The following TRIM15 variants were observed in gnomAD, a reference collection of about 807,000 sequenced individuals.
TRIM15 encodes E3 ubiquitin-protein ligase TRIM15.
A neutral mutation model predicts 35.8 loss-of-function variants in TRIM15; 35 were observed. That is an observed-to-expected ratio of 0.98 (90% CI 0.75 to 1.30). TRIM15 has a LOEUF of 1.30. TRIM15 is among the 50% of genes most tolerant of loss of function. TRIM15 has a pLI of 0.00. For synonymous variants in TRIM15, 252 were observed against 249.8 expected (o/e 1.01, Z -0.08); for missense variants, 590 against 593.5 (o/e 0.99, Z 0.06).
chr6:30,167,809 A>G (rs1773715443), intron 2 of TRIM15, among the ~76,000 whole-genome samples: 1 of 152,156 alleles, frequency 6.6e-6, no homozygotes. Context: ...TGGTACCTTG[A>G]CCAAGGAGAG....
rs188540010 is a variant in TRIM15, at chr6:30,170,458, T to A, written c.732-43T>A. 169 of 1,403,142 alleles carry A rather than the reference T, an allele frequency of 1.2e-4. No homozygotes were observed. The African/African-American group carries it at 2.2e-3, about 18-fold the overall frequency. The allele number at this position is 1,403,142 out of a possible 1,614,324, so 86.9% of individuals were successfully genotyped here. Reference sequence around the variant, plus strand: ...TCACGTGGTCTCACCCGAACATTTGTTTTTGGAATTTGGACCTAACTGGTT... The same window carrying A: ...TCACGTGGTCTCACCCGAACATTTGATTTTGGAATTTGGACCTAACTGGTT... On this transcript the variant is annotated intron_variant, in intron 4 of 6. Transcript: ENST00000376694.
rs780408059 is a variant in TRIM15 at position 30,164,085 on chromosome 6, C to G, written c.381+20C>G. ...TACCGGGTAAGAAGTGTAGCTTTAC[C>G]TAGGGCCTGTTTGGGGCAGGATGAT... On this transcript the variant is annotated intron_variant, in intron 1 of 6. Transcript: ENST00000376694. 2 of 1,597,416 alleles carry G rather than the reference C, an allele frequency of 1.3e-6. No homozygotes were observed. The highest frequency in any genetic ancestry group is 2.7e-5 in the African/African-American group (2 of 74,682).
chr6:30,172,357 C>A lies in TRIM15; in HGVS notation c.*8C>A. On this transcript the variant is annotated 3_prime_UTR_variant, in exon 7 of 7. Coordinates refer to ENST00000376694, the MANE Select transcript of TRIM15 (RefSeq NM_033229.3). Reference sequence around the variant, plus strand: ...CTTACGCTGAAAGGCTGAAGTGGGGCGCGCGAAGGGCGGCGAAGCGGAGAC... The same window carrying A: ...CTTACGCTGAAAGGCTGAAGTGGGGAGCGCGAAGGGCGGCGAAGCGGAGAC... 6.3e-7 allele frequency: 1 copy of A among 1,586,578 alleles called. No individual in the cohort carries two copies.
chr6:30,168,590 G>C (rs1269724549), intron 3 of TRIM15, 60 bp downstream of exon 3: 3 of 1,478,916 alleles, frequency 2.0e-6, no homozygotes, highest in Non-Finnish European at 2.8e-6. Context: ...AAGGGGGTGG[G>C]CACCATGCTT....
Position 30,168,422 on chromosome 6 carries a change from G to A in TRIM15, c.600G>A (p.Lys200=). The change falls in exon 3 of 7, where the codon AAG becomes AAA. Residue 200 remains lysine (K), a synonymous_variant. Coordinates refer to ENST00000376694, the MANE Select transcript of TRIM15 (RefSeq NM_033229.3). ...RLRELEQQIW[K]ERDEYITKVS... ...GGGAGCTGGAGCAGCAGATTTGGAA[G>A]GAGAGGGATGAATATATCACAAAGG... 5 of 1,612,914 alleles carry A rather than the reference G, an allele frequency of 3.1e-6. No homozygotes were observed. The highest frequency in any genetic ancestry group is 4.2e-6 in the Non-Finnish European group (5 of 1,179,960).
At chr6:30,168,932 C>T (rs545354831) in intron 3 of TRIM15, among the ~76,000 whole-genome samples, 1 of 152,290 alleles carries the variant, frequency 6.6e-6, no homozygotes, top group Non-Finnish European at 1.5e-5. Flanking sequence ...GATCCTGGCT[C>T]ACATCAGGTC....
At chr6:30,166,248 A>G (rs1773587488) in intron 1 of TRIM15, among the ~76,000 whole-genome samples, 1 of 152,164 alleles carries the variant, frequency 6.6e-6, no homozygotes, top group South Asian at 2.1e-4. Context: ...TCTTACGTTT[A>G]AGTCTTTAAT....
chr6:30,170,846 C>G (rs1773961798), intron 5 of TRIM15, 130 bp from the exon 6 acceptor site: 4 of 1,090,010 alleles, frequency 3.7e-6, no homozygotes, highest in African/African-American at 1.6e-5. Flanking sequence ...CCCTTCTCCT[C>G]CACTAGACCA....
In TRIM15 at chr6:30,170,326, T is replaced by C. The variant is rs1773919015; in HGVS notation, c.732-175T>C. The C allele has an allele frequency of 1.0e-5, 6 of 575,466 alleles. No homozygotes were observed. In the Admixed American group the frequency reaches 1.6e-4, roughly 15 times the overall value. 35.6% of individuals were successfully genotyped at this position (575,466 alleles called of 1,614,324 possible). A position where few individuals can be genotyped will look rare whatever the true frequency, so the allele number is the denominator to read the frequency against. ...TAGTTCCTCTTAGGTTTAACTGAAATGCCTACTATTTTAGTAACTACACAT... is the reference window on the plus strand; with the variant it reads ...TAGTTCCTCTTAGGTTTAACTGAAACGCCTACTATTTTAGTAACTACACAT... On this transcript the variant is annotated intron_variant, in intron 4 of 6. Transcript: ENST00000376694.
intron 6 of TRIM15, among the ~76,000 whole-genome samples, chr6:30,171,541 G>T (rs1774016280): frequency 6.6e-6 from 1 of 152,156 alleles, no homozygotes; most frequent in Non-Finnish European, 1.5e-5. Flanking sequence ...GTCTCCTAGG[G>T]ATCCTGTTAA....
At position 30,167,276 on chromosome 6, in the gene TRIM15, AGGCCACGTCACT is replaced by A. The variant is rs1294203507; in HGVS notation, c.477+9_477+20del. On this transcript the variant is annotated splice_donor_region_variant and intron_variant, in intron 2 of 6. Coordinates refer to ENST00000376694, the MANE Select transcript of TRIM15 (RefSeq NM_033229.3). ...CAGAAGCTTCAAGTGCTGCTGGTAC[AGGCCACGTCACT>A]GGCTACCTTTTCCTTTGAAGGTTTT... The A allele has an allele frequency of 6.2e-7, 1 of 1,610,020 alleles. No individual in the cohort carries two copies. Among genetic ancestry groups the A allele is most frequent in the African/African-American group, 1.3e-5 (1 of 74,890 alleles).
chr6:30,172,441 T>C lies in TRIM15; in HGVS notation c.*92T>C, dbSNP rs1203336679. ...CAGTGTGCGGCCCGGGGGCTCCCTG[T>C]GCCCGCGTGAGGCGAGAGAACAGGG... On this transcript the variant is annotated 3_prime_UTR_variant, in exon 7 of 7. Coordinates refer to ENST00000376694, the MANE Select transcript of TRIM15 (RefSeq NM_033229.3). 6.7e-7 allele frequency: 1 copy of C among 1,499,434 alleles called. No individual in the cohort carries two copies. Among genetic ancestry groups the C allele is most frequent in the South Asian group, 1.3e-5 (1 of 77,232 alleles). 92.9% of individuals were successfully genotyped at this position (1,499,434 alleles called of 1,614,324 possible).
At chr6:30,169,382 A>C (rs1439745145) in intron 4 of TRIM15, 119 bp downstream of exon 4, 2 of 1,063,570 alleles carry the variant, frequency 1.9e-6, no homozygotes, top group African/African-American at 3.1e-5. Flanking sequence ...TGGCAGACAC[A>C]CTGTCTCATT....
chr6:30,164,589 C>G (rs1773447853), intron 1 of TRIM15, among the ~76,000 whole-genome samples: 1 of 152,156 alleles, frequency 6.6e-6, no homozygotes, highest in African/African-American at 2.4e-5. Context: ...TCTCAGATCT[C>G]TCTCTTGTCA....
At chr6:30,167,351 GT>G in intron 2 of TRIM15, 80 bp downstream of exon 2, 1 of 1,180,430 alleles carries the variant, frequency 8.5e-7, no homozygotes, top group South Asian at 1.3e-5. Flanking sequence ...GCTGGTATCT[GT>G]TTCCTGGCTG....
intron 1 of TRIM15, 91 bp downstream of exon 1, chr6:30,164,156 G>A (rs757929472): frequency 6.6e-7 from 1 of 1,505,238 alleles, no homozygotes; most frequent in Non-Finnish European, 8.9e-7. Flanking sequence ...TGGATGAAAG[G>A]CTTCCACATC....
At position 30,172,428 on chromosome 6, in the gene TRIM15, C is replaced by T. The variant is rs1774108818; in HGVS notation, c.*79C>T. The T allele has an allele frequency of 5.9e-6, 9 of 1,517,872 alleles. No individual in the cohort carries two copies. The highest frequency in any genetic ancestry group is 7.9e-6 in the Non-Finnish European group (9 of 1,137,684). 94.0% of individuals were successfully genotyped at this position (1,517,872 alleles called of 1,614,324 possible). ...CTCCGCCCCTGGCCAGTGTGCGGCC[C>T]GGGGGCTCCCTGTGCCCGCGTGAGG... On this transcript the variant is annotated 3_prime_UTR_variant, in exon 7 of 7. Coordinates refer to ENST00000376694, the MANE Select transcript of TRIM15 (RefSeq NM_033229.3).
intron 4 of TRIM15, among the ~76,000 whole-genome samples, chr6:30,170,010 G>A (rs1380942002): frequency 6.6e-6 from 1 of 152,350 alleles, no homozygotes; most frequent in South Asian, 2.1e-4. Flanking sequence ...AGGGGGTGAA[G>A]AGTCTTCAAG....
chr6:30,164,219 A>C (rs1164906405), intron 1 of TRIM15, among the ~76,000 whole-genome samples, 154 bp downstream of exon 1: 1 of 152,178 alleles, frequency 6.6e-6, no homozygotes, highest in East Asian at 1.9e-4. Context: ...CTGAAGGCAG[A>C]TAGGGCTCCA....
Sources: gnomAD v4.1 joint callset for allele counts (sites outside exome capture counted in the v4.1 genomes callset) on GRCh38, gnomAD v4.1.1 for gene constraint, MANE v1.5 for transcripts, NCBI Gene and HGNC (gene_info 2026-07-23, HGNC 2026-07-21) for gene names.